FAM234B: variants seen among roughly 807,000 people sequenced by gnomAD.
The protein encoded by FAM234B is family with sequence similarity 234 member B, also known as protein FAM234B.
In FAM234B, 33 loss-of-function variants were observed where a neutral mutation model predicts 69.3. The observed-to-expected ratio is 0.48, with a 90% CI of 0.36 to 0.64. The LOEUF (loss-of-function observed/expected upper bound fraction) is 0.64. Ranked by LOEUF, FAM234B falls within the 30% of genes least tolerant of loss-of-function variation. The pLI is 0.00. For synonymous variants in FAM234B, 306 were observed against 306.9 expected (o/e 1.00, Z 0.03); for missense variants, 697 against 769.7 (o/e 0.91, Z 1.12).
rs773634817 is a variant in FAM234B at position 13,061,686 on chromosome 12, T to C, written c.644T>C (p.Met215Thr). The C allele has an allele frequency of 6.2e-7, 1 of 1,614,168 alleles. No individual in the cohort carries two copies. Among genetic ancestry groups the C allele is most frequent in the South Asian group, 1.1e-5 (1 of 91,078 alleles). The change falls in exon 4 of 13, where the codon ATG becomes ACG. Residue 215 changes from methionine (M) to threonine (T), a missense_variant. Met to Thr is a moderately conservative substitution (Grantham distance 81). Around this residue, in one of 3 missense-constraint regions of FAM234B, gnomAD observed 380 missense variants for 447.1 expected, o/e 0.85. Coordinates refer to ENST00000197268, the MANE Select transcript of FAM234B (RefSeq NM_020853.2). ...CGAGATATCACATGTTTGGAGCTGA[T>C]GCCAGGAAGCTTGGCTGAAACCATC... ...EARDITCLEL[M>T]PGSLAETICL... is the part of the protein sequence containing the mutation.
chr12:13,053,160 G>A (rs1864893167), intron 1 of FAM234B, among the ~76,000 whole-genome samples: 1 of 152,094 alleles, frequency 6.6e-6, no homozygotes, highest in African/African-American at 2.4e-5. Flanking sequence ...TGGGCAAAAT[G>A]TATAGTTTTG....
chr12:13,079,150 C>G (rs1217870071), intron 11 of FAM234B, among the ~76,000 whole-genome samples: 1 of 152,128 alleles, frequency 6.6e-6, no homozygotes, highest in Non-Finnish European at 1.5e-5. Flanking sequence ...TACTACAAGG[C>G]TACAGTAACC....
intron 10 of FAM234B, 60 bp from the exon 11 acceptor site, chr12:13,075,966 A>G: frequency 8.5e-7 from 1 of 1,175,498 alleles, no homozygotes; most frequent in South Asian, 1.2e-5. Flanking sequence ...TCACCTGAGG[A>G]CTGTCACGTG....
chr12:13,060,400 C>CAAGA (rs970937226), intron 3 of FAM234B, among the ~76,000 whole-genome samples: 5 of 152,204 alleles, frequency 3.3e-5, no homozygotes, highest in African/African-American at 1.2e-4. Context: ...GACTGCCGAA[C>CAAGA]AAGAGGAGCC....
In FAM234B at chr12:13,068,291, T is replaced by TA. The variant is rs774892493; in HGVS notation, c.1143-13_1143-12insA. 1.2e-6 allele frequency: 2 copies of TA among 1,613,916 alleles called. No individual in the cohort carries two copies. Among genetic ancestry groups the TA allele is most frequent in the African/African-American group, 2.7e-5 (2 of 75,058 alleles). ...AAGCCAGAGACTAACCGTTGGGGTC[T>TA]TATTTAACCCAGTGATGGTGTTGAA... On this transcript the variant is annotated splice_polypyrimidine_tract_variant and intron_variant, in intron 7 of 12. Transcript: ENST00000197268.
intron 10 of FAM234B, among the ~76,000 whole-genome samples, chr12:13,073,896 G>GCA (rs1313770245): frequency 6.6e-6 from 1 of 152,158 alleles, no homozygotes; most frequent in African/African-American, 2.4e-5. Flanking sequence ...ACATCATTTT[G>GCA]TCCCTCGTGA....
chr12:13,058,579 A>G, intron 3 of FAM234B, 30 bp downstream of exon 3: 2 of 1,564,166 alleles, frequency 1.3e-6, no homozygotes, highest in Non-Finnish European at 1.8e-6. Context: ...CAAGGCTGCT[A>G]CAGGGGCACT....
intron 3 of FAM234B, 47 bp from the exon 4 acceptor site, chr12:13,061,528 T>A: frequency 1.3e-6 from 2 of 1,529,176 alleles, no homozygotes; most frequent in Non-Finnish European, 1.8e-6. Flanking sequence ...CTGCCTCTTA[T>A]CTCCTTTGCC....
chr12:13,054,114 T>TA (rs1864903240), intron 1 of FAM234B, among the ~76,000 whole-genome samples: 1 of 152,230 alleles, frequency 6.6e-6, no homozygotes, highest in Non-Finnish European at 1.5e-5. Context: ...ACACACGTTT[T>TA]ACAATCAATT....
intron 11 of FAM234B, among the ~76,000 whole-genome samples, chr12:13,078,848 C>T (rs1865191496): frequency 6.6e-6 from 1 of 152,016 alleles, no homozygotes; most frequent in African/African-American, 2.4e-5. Context: ...TGAAGGACCT[C>T]TTCAAGGAGA....
rs139383031 is a variant in FAM234B at position 13,054,198 on chromosome 12, G to C, written c.38-1353G>C. On this transcript the variant is annotated intron_variant, in intron 1 of 12. Coordinates refer to ENST00000197268, the MANE Select transcript of FAM234B (RefSeq NM_020853.2). ...AACAGGATTAAGAGATTAAAGTAAA[G>C]ACAGGCATAAGAAATTATAAGAGTA... Among the ~76,000 whole-genome samples the C allele has an allele frequency of 2.1e-3, 316 of 152,294 alleles. 3 individuals carry two copies. The highest frequency in any genetic ancestry group is 7.4e-3 in the African/African-American group (307 of 41,558).
At chr12:13,050,410 C>A (rs1414771149) in intron 1 of FAM234B, among the ~76,000 whole-genome samples, 1 of 152,170 alleles carries the variant, frequency 6.6e-6, no homozygotes, top group South Asian at 2.1e-4. Context: ...ACCTGCCGTC[C>A]TGACAGTGTG....
rs1489554126 is a variant in FAM234B, at chr12:13,080,658, A to G, written c.*28A>G. ...TGATGGAATCTTCAGTTGCAGAAGA[A>G]GTGAACAGAGTGGATACCCTCTCTA... On this transcript the variant is annotated 3_prime_UTR_variant, in exon 13 of 13. Transcript: ENST00000197268. 2 of 1,576,818 alleles carry G rather than the reference A, an allele frequency of 1.3e-6. No homozygotes were observed. Among genetic ancestry groups the G allele is most frequent in the East Asian group, 4.5e-5 (2 of 44,670 alleles).
Position 13,058,670 on chromosome 12 carries a change from G to T in FAM234B, c.532+121G>T. ...CTGCAGTGAACAGAAAGTTACCATGGTTCTGGCATACATGAAAACCCTCAT... is the reference window on the plus strand; with the variant it reads ...CTGCAGTGAACAGAAAGTTACCATGTTTCTGGCATACATGAAAACCCTCAT... On this transcript the variant is annotated intron_variant, in intron 3 of 12. Transcript: ENST00000197268. The T allele has an allele frequency of 5.0e-6, 4 of 805,110 alleles. No homozygotes were observed. The South Asian group carries it at 5.9e-5, about 12-fold the overall frequency. The allele number at this position is 805,110 out of a possible 1,614,324, so 49.9% of individuals were successfully genotyped here.
intron 1 of FAM234B, among the ~76,000 whole-genome samples, chr12:13,051,791 A>T (rs986242309): frequency 1.3e-5 from 2 of 152,158 alleles, no homozygotes; most frequent in African/African-American, 4.8e-5. Flanking sequence ...AGCTGAGAAG[A>T]GTGGGGGAGG....
chr12:13,058,376 T>C (rs1864953098), intron 2 of FAM234B, 75 bp from the exon 3 acceptor site: 1 of 1,160,504 alleles, frequency 8.6e-7, no homozygotes, highest in Admixed American at 1.7e-5. Flanking sequence ...CTGGTGTTTA[T>C]AGAGCTACTG....
chr12:13,056,417 G>A (rs1359728695), intron 2 of FAM234B, among the ~76,000 whole-genome samples: 4 of 152,032 alleles, frequency 2.6e-5, no homozygotes, highest in African/African-American at 9.7e-5. Flanking sequence ...TTTCTTTCTT[G>A]CTCCTCATGG....
At chr12:13,050,357 T>C (rs1864862762) in intron 1 of FAM234B, among the ~76,000 whole-genome samples, 1 of 152,210 alleles carries the variant, frequency 6.6e-6, no homozygotes, top group Non-Finnish European at 1.5e-5. Context: ...TTCTGTATCC[T>C]GACTGGGCCC....
chr12:13,054,101 C>G (rs970609678), intron 1 of FAM234B, among the ~76,000 whole-genome samples: 2 of 152,104 alleles, frequency 1.3e-5, no homozygotes, highest in Non-Finnish European at 2.9e-5. Context: ...TCATATTGTT[C>G]AAACACACGT....
Sources: gnomAD v4.1 joint callset for allele counts (sites outside exome capture counted in the v4.1 genomes callset) on GRCh38, gnomAD v4.1.1 for gene constraint, gnomAD v4.1.1 regional missense constraint, MANE v1.5 for transcripts, NCBI Gene and HGNC (gene_info 2026-07-23, HGNC 2026-07-21) for gene names.